Variants in CSMD1 observed in about 807,000 individuals in gnomAD.
The protein encoded by CSMD1 is CUB and sushi domain-containing protein 1.
CSMD1 carries 213 observed loss-of-function variants against 417.5 expected under a neutral mutation model. The ratio of observed to expected loss-of-function variants is 0.51; its 90% CI spans 0.46 to 0.57. The LOEUF (loss-of-function observed/expected upper bound fraction) is 0.57. Among genes scored for constraint, CSMD1 ranks in the 20% least tolerant of loss-of-function variants. CSMD1 has a pLI of 0.00. For synonymous variants in CSMD1, 2,862 were observed against 1,736.8 expected (o/e 1.65, Z -16.11); for missense variants, 6,923 against 4,529.7 (o/e 1.53, Z -15.17).
At chr8:3,423,202 C>T (rs183299204) in intron 12 of CSMD1, among the ~76,000 whole-genome samples, 17 of 152,244 alleles carry the variant, frequency 1.1e-4, no homozygotes, top group African/African-American at 3.6e-4. Flanking sequence ...TCTAAATGAA[C>T]AATTTAAGGA....
At chr8:4,833,074 A>C (rs1247789509) in intron 1 of CSMD1, among the ~76,000 whole-genome samples, 1 of 152,188 alleles carries the variant, frequency 6.6e-6, no homozygotes, top group Non-Finnish European at 1.5e-5. Flanking sequence ...ACCACTTGCC[A>C]ATTCTAACTT....
At chr8:3,830,241 A>G (rs973967554) in intron 5 of CSMD1, among the ~76,000 whole-genome samples, 1 of 152,234 alleles carries the variant, frequency 6.6e-6, no homozygotes, top group Non-Finnish European at 1.5e-5. Context: ...AGGTGATCAT[A>G]CATGATAGAG....
At chr8:3,479,296 T>A (rs1354416653) in intron 11 of CSMD1, among the ~76,000 whole-genome samples, 3 of 152,160 alleles carry the variant, frequency 2.0e-5, no homozygotes, top group South Asian at 2.1e-4. Flanking sequence ...TTATTTATTT[T>A]TTAGACTAAG....
chr8:3,055,119 G>A (rs192637790), intron 49 of CSMD1, among the ~76,000 whole-genome samples: 1 of 152,162 alleles, frequency 6.6e-6, no homozygotes, highest in Admixed American at 6.5e-5. Flanking sequence ...GGAAAGAAAT[G>A]ACATTTTTCT....
At chr8:4,216,977 C>T (rs566342539) in intron 3 of CSMD1, among the ~76,000 whole-genome samples, 7 of 152,258 alleles carry the variant, frequency 4.6e-5, no homozygotes, top group African/African-American at 1.7e-4. Context: ...GGATAGGTCC[C>T]CACGGTTAAG....
chr8:3,595,300 C>A (rs1801039549), intron 8 of CSMD1, among the ~76,000 whole-genome samples: 1 of 152,164 alleles, frequency 6.6e-6, no homozygotes, highest in Non-Finnish European at 1.5e-5. Context: ...CCAGAAAATG[C>A]CATCATCGGA....
At chr8:4,554,742 G>T (rs1045953003) in intron 2 of CSMD1, among the ~76,000 whole-genome samples, 6 of 152,112 alleles carry the variant, frequency 3.9e-5, no homozygotes, top group African/African-American at 9.7e-5. Context: ...TGATGTATTC[G>T]AACTTTATTG....
chr8:4,890,759 A>G (rs887705492), intron 1 of CSMD1, among the ~76,000 whole-genome samples: 1 of 152,132 alleles, frequency 6.6e-6, no homozygotes, highest in South Asian at 2.1e-4. Context: ...AAAGTCATGG[A>G]AGAAAGCGCA....
chr8:3,987,278 T>C (rs1317799901), intron 5 of CSMD1, among the ~76,000 whole-genome samples: 1 of 152,204 alleles, frequency 6.6e-6, no homozygotes, highest in Admixed American at 6.5e-5. Flanking sequence ...CCAGTGTTTC[T>C]GTAACATGTT....
chr8:4,365,698 C>A (rs567135106), intron 3 of CSMD1, among the ~76,000 whole-genome samples: 4 of 152,286 alleles, frequency 2.6e-5, no homozygotes, highest in African/African-American at 9.6e-5. Context: ...TCTGATCCAG[C>A]CTGAGACTTT....
chr8:4,411,101 C>A (rs997274598), intron 3 of CSMD1, among the ~76,000 whole-genome samples: 1 of 152,100 alleles, frequency 6.6e-6, no homozygotes, highest in Non-Finnish European at 1.5e-5. Context: ...CCACGTGTGG[C>A]CACCTGATCT....
intron 3 of CSMD1, among the ~76,000 whole-genome samples, chr8:4,224,482 C>A (rs1226169230): frequency 6.6e-6 from 1 of 152,188 alleles, no homozygotes; most frequent in Non-Finnish European, 1.5e-5. Context: ...TCTGACCCAT[C>A]TACACTCTCA....
At chr8:4,144,314 G>A (rs1057421637) in intron 3 of CSMD1, among the ~76,000 whole-genome samples, 2 of 150,998 alleles carry the variant, frequency 1.3e-5, no homozygotes, top group African/African-American at 5.0e-5. Context: ...ACTTAAACAT[G>A]TCCTGGCCAT....
intron 1 of CSMD1, among the ~76,000 whole-genome samples, chr8:4,683,440 T>G (rs899219737): frequency 6.6e-6 from 1 of 152,258 alleles, no homozygotes; most frequent in Admixed American, 6.5e-5. Flanking sequence ...AAGGACACAC[T>G]TGATTAAGGG....
At chr8:3,678,151 C>A (rs1799475892) in intron 7 of CSMD1, among the ~76,000 whole-genome samples, 1 of 152,188 alleles carries the variant, frequency 6.6e-6, no homozygotes. Flanking sequence ...CTGAGGAATG[C>A]AGCTCCTCAC....
chr8:3,622,405 C>G (rs1363268834), intron 7 of CSMD1, among the ~76,000 whole-genome samples: 1 of 152,170 alleles, frequency 6.6e-6, no homozygotes, highest in African/African-American at 2.4e-5. Flanking sequence ...GTTGAAAATA[C>G]AACACACCAA....
At chr8:3,278,608 T>C (rs1466069895) in intron 26 of CSMD1, 1 of 152,156 alleles carries the variant, frequency 6.6e-6, no homozygotes, top group Admixed American at 6.5e-5. Flanking sequence ...AAAATTAGCA[T>C]GGTTTATGAA....
intron 41 of CSMD1, among the ~76,000 whole-genome samples, chr8:3,135,620 C>G (rs1436868631): frequency 4.7e-5 from 7 of 148,168 alleles, no homozygotes; most frequent in Admixed American, 4.0e-4. Flanking sequence ...TTAAAACACG[C>G]TCTTGAGTGA....
intron 5 of CSMD1, among the ~76,000 whole-genome samples, chr8:3,956,001 GC>G (rs763057125): frequency 1.1e-4 from 17 of 152,162 alleles, no homozygotes; most frequent in Non-Finnish European, 2.2e-4. Context: ...CACCATATTG[GC>G]CAGGATGGTC....
Sources: gnomAD v4.1 joint callset for allele counts (sites outside exome capture counted in the v4.1 genomes callset) on GRCh38, gnomAD v4.1.1 for gene constraint, MANE v1.5 for transcripts, NCBI Gene and HGNC (gene_info 2026-07-23, HGNC 2026-07-21) for gene names.